The following FARS2 variants were observed in gnomAD, a reference collection of about 807,000 sequenced individuals.
FARS2 encodes phenylalanine--tRNA ligase, mitochondrial.
In FARS2, 40 loss-of-function variants were observed where a neutral mutation model predicts 46.4. That is an observed-to-expected ratio of 0.86 (90% CI 0.67 to 1.12). The LOEUF is 1.12. Among genes scored for constraint, FARS2 ranks in the 50% most tolerant of loss-of-function variants. FARS2 has a pLI of 0.00. For missense variants in FARS2, 513 were observed against 567.9 expected (o/e 0.90, Z 0.98); for synonymous variants, 234 against 214.9 (o/e 1.09, Z -0.78).
chr6:5,534,540 C>T lies in FARS2; in HGVS notation c.905-10640C>T, dbSNP rs569083984. ...ATTTTTTTTTGCCTGGCTTCTTTCA[C>T]TTAGCCTGTTGTTTTTGAGGTTCAT... On this transcript the variant is annotated intron_variant, in intron 4 of 6. Transcript: ENST00000274680. Among the ~76,000 whole-genome samples, 9 of 152,274 alleles carry T rather than the reference C, an allele frequency of 5.9e-5. 1 individual carries two copies. The South Asian group carries it at 1.9e-3, about 32-fold the overall frequency.
chr6:5,715,915 T>A (rs1244071407), intron 6 of FARS2, among the ~76,000 whole-genome samples: 1 of 152,254 alleles, frequency 6.6e-6, no homozygotes, highest in Non-Finnish European at 1.5e-5. Flanking sequence ...GCCACACTGT[T>A]GTATATTTGT....
chr6:5,453,795 T>TG (rs2150275813), intron 4 of FARS2, among the ~76,000 whole-genome samples: 1 of 152,208 alleles, frequency 6.6e-6, no homozygotes, highest in Admixed American at 6.5e-5. Flanking sequence ...ACAGTGCCAG[T>TG]GGGTAGTCTA....
At chr6:5,756,478 G>A (rs1488637789) in intron 6 of FARS2, among the ~76,000 whole-genome samples, 1 of 151,432 alleles carries the variant, frequency 6.6e-6, no homozygotes, top group Non-Finnish European at 1.5e-5. Context: ...AAGCAGACAT[G>A]TCTTACCATG....
intron 1 of FARS2, among the ~76,000 whole-genome samples, chr6:5,271,575 T>TC (rs1445580889): frequency 5.0e-4 from 74 of 147,926 alleles, no homozygotes; most frequent in Middle Eastern, 3.4e-3. Flanking sequence ...TTTTTTTTTT[T>TC]TTTTTGAGGC....
intron 5 of FARS2, among the ~76,000 whole-genome samples, chr6:5,572,104 C>A (rs1244074089): frequency 6.6e-6 from 1 of 152,124 alleles, no homozygotes; most frequent in Non-Finnish European, 1.5e-5. Flanking sequence ...TCTTGCATTG[C>A]TATAAAGAAA....
intron 2 of FARS2, among the ~76,000 whole-genome samples, chr6:5,391,071 G>C (rs979751109): frequency 7.9e-5 from 12 of 152,242 alleles, no homozygotes; most frequent in African/African-American, 2.9e-4. Context: ...AGCAGTAGAA[G>C]TGTGTGGAGC....
At chr6:5,760,414 AG>A (rs1762422118) in intron 6 of FARS2, among the ~76,000 whole-genome samples, 1 of 151,980 alleles carries the variant, frequency 6.6e-6, no homozygotes, top group South Asian at 2.1e-4. Context: ...ACATCTCAGT[AG>A]TTCTCTCTTA....
At chr6:5,483,285 T>G (rs1389484073) in intron 4 of FARS2, among the ~76,000 whole-genome samples, 2 of 152,200 alleles carry the variant, frequency 1.3e-5, no homozygotes, top group Non-Finnish European at 2.9e-5. Flanking sequence ...TGTGATCAAT[T>G]CCCAAAAGAC....
At chr6:5,596,041 C>A (rs552895571) in intron 5 of FARS2, among the ~76,000 whole-genome samples, 2 of 152,172 alleles carry the variant, frequency 1.3e-5, no homozygotes, top group South Asian at 4.2e-4. Context: ...AAATATGTTA[C>A]CCCATTTAAT....
chr6:5,273,458 G>C (rs1481226030), intron 1 of FARS2, among the ~76,000 whole-genome samples: 1 of 151,872 alleles, frequency 6.6e-6, no homozygotes, highest in African/African-American at 2.4e-5. Flanking sequence ...CCATTTGTAT[G>C]TCTTCATTTC....
chr6:5,353,239 T>C (rs192764868), intron 1 of FARS2, among the ~76,000 whole-genome samples: 12 of 152,300 alleles, frequency 7.9e-5, no homozygotes, highest in Admixed American at 5.2e-4. Context: ...AATTTAATTC[T>C]TTTTATGGCT....
At chr6:5,750,578 T>C (rs1038597682) in intron 6 of FARS2, among the ~76,000 whole-genome samples, 6 of 151,860 alleles carry the variant, frequency 4.0e-5, no homozygotes, top group Non-Finnish European at 4.4e-5. Context: ...GAAAGAGGGG[T>C]TGCAGGTGCA....
At chr6:5,377,641 A>G (rs191265343) in intron 2 of FARS2, among the ~76,000 whole-genome samples, 7 of 152,302 alleles carry the variant, frequency 4.6e-5, no homozygotes, top group Non-Finnish European at 8.8e-5. Flanking sequence ...ACTTGAGTGT[A>G]TTAACCAGTC....
intron 1 of FARS2, among the ~76,000 whole-genome samples, chr6:5,364,289 A>G (rs957924130): frequency 3.3e-5 from 5 of 152,218 alleles, no homozygotes; most frequent in African/African-American, 1.2e-4. Context: ...CCTTGAGGCC[A>G]GAAGGGTCAA....
At chr6:5,743,056 C>A (rs1761441977) in intron 6 of FARS2, among the ~76,000 whole-genome samples, 1 of 151,886 alleles carries the variant, frequency 6.6e-6, no homozygotes, top group South Asian at 2.1e-4. Flanking sequence ...TATATGGGCC[C>A]CAAAAATCAA....
At chr6:5,609,676 A>G in intron 5 of FARS2, 5 of 1,291,788 alleles carry the variant, frequency 3.9e-6, no homozygotes, top group Non-Finnish European at 5.5e-6. Flanking sequence ...AGTTGTGGCC[A>G]TTCACAGGAT....
chr6:5,256,437 C>T (rs111620198), upstream of FARS2, among the ~76,000 whole-genome samples: 6 of 120,074 alleles, frequency 5.0e-5, no homozygotes, highest in Admixed American at 2.3e-4. Flanking sequence ...TTGCAGTGAG[C>T]CAAGATCGCA....
chr6:5,483,281 C>T (rs922424270), intron 4 of FARS2, among the ~76,000 whole-genome samples: 1 of 152,214 alleles, frequency 6.6e-6, no homozygotes, highest in Admixed American at 6.5e-5. Flanking sequence ...TTTATGTGAT[C>T]AATTCCCAAA....
chr6:5,258,511 C>T (rs1764786739), upstream of FARS2, among the ~76,000 whole-genome samples: 1 of 152,164 alleles, frequency 6.6e-6, no homozygotes, highest in Admixed American at 6.5e-5. Context: ...TGTTGTGTTG[C>T]TATTGATTTG....
Sources: gnomAD v4.1 joint callset for allele counts (sites outside exome capture counted in the v4.1 genomes callset) on GRCh38, gnomAD v4.1.1 for gene constraint, MANE v1.5 for transcripts, NCBI Gene and HGNC (gene_info 2026-07-23, HGNC 2026-07-21) for gene names.